Variants in BCAS3 observed in about 807,000 individuals in gnomAD.
BCAS3 encodes BCAS4/BCAS3 fusion.
BCAS3 carries 53 observed loss-of-function variants against 116.1 expected under a neutral mutation model. The ratio of observed to expected loss-of-function variants is 0.46; its 90% CI spans 0.37 to 0.57. The LOEUF is 0.57. Among genes scored for constraint, BCAS3 ranks in the 20% least tolerant of loss-of-function variants. The probability of loss-of-function intolerance (pLI) is 0.00; values close to 1 mark genes in which losing one functional copy is unlikely to be tolerated. For missense variants in BCAS3, 917 were observed against 1,165.4 expected (o/e 0.79, Z 3.10); for synonymous variants, 391 against 408.2 (o/e 0.96, Z 0.51).
chr17:60,879,045 T>C (rs2055875335), intron 9 of BCAS3, among the ~76,000 whole-genome samples: 1 of 152,158 alleles, frequency 6.6e-6, no homozygotes, highest in Admixed American at 6.5e-5. Context: ...TGGTTTTGCC[T>C]GTTAGACTGA....
intron 10 of BCAS3, among the ~76,000 whole-genome samples, chr17:60,900,372 G>A (rs1463882015): frequency 1.3e-5 from 2 of 151,956 alleles, no homozygotes; most frequent in African/African-American, 2.4e-5. Flanking sequence ...CTCTTTCCTG[G>A]CTAAGATTGC....
chr17:61,305,992 G>A (rs1392345542), intron 22 of BCAS3, among the ~76,000 whole-genome samples: 1 of 152,220 alleles, frequency 6.6e-6, no homozygotes, highest in Non-Finnish European at 1.5e-5. Context: ...ATAATCCTGT[G>A]TGCTTCCTTC....
intron 5 of BCAS3, among the ~76,000 whole-genome samples, chr17:60,709,768 T>A (rs2037627340): frequency 6.6e-6 from 1 of 152,226 alleles, no homozygotes; most frequent in Non-Finnish European, 1.5e-5. Context: ...GTAATTTTGA[T>A]ATATGTTTTA....
chr17:61,089,434 A>G (rs1259102403), intron 22 of BCAS3, among the ~76,000 whole-genome samples: 1 of 122,536 alleles, frequency 8.2e-6, no homozygotes, highest in Non-Finnish European at 1.7e-5. Flanking sequence ...GCATTCTTTT[A>G]TCATATAGAG....
chr17:61,109,050 G>T (rs191201076), intron 22 of BCAS3, among the ~76,000 whole-genome samples: 4 of 152,042 alleles, frequency 2.6e-5, no homozygotes, highest in African/African-American at 7.2e-5. Flanking sequence ...GCTGGGCGTG[G>T]TAGTACATGC....
intron 14 of BCAS3, among the ~76,000 whole-genome samples, chr17:60,948,498 C>T (rs1047594177): frequency 3.9e-5 from 6 of 152,274 alleles, no homozygotes; most frequent in Non-Finnish European, 7.4e-5. Flanking sequence ...TCTCAAACAC[C>T]TTTTGTTTCA....
intron 10 of BCAS3, among the ~76,000 whole-genome samples, chr17:60,894,044 C>T (rs1599499612): frequency 6.6e-6 from 1 of 151,954 alleles, no homozygotes; most frequent in Non-Finnish European, 1.5e-5. Context: ...GCTGCCCCAC[C>T]CCATTTTATT....
intron 14 of BCAS3, among the ~76,000 whole-genome samples, chr17:60,975,074 T>C (rs2062234433): frequency 6.6e-6 from 1 of 150,602 alleles, no homozygotes; most frequent in African/African-American, 2.5e-5. Context: ...CAATCTCGGC[T>C]CACTGCAAGC....
At chr17:60,914,078 C>T (rs1672405902) in intron 12 of BCAS3, among the ~76,000 whole-genome samples, 2 of 152,126 alleles carry the variant, frequency 1.3e-5, no homozygotes, top group South Asian at 4.1e-4. Context: ...TTAATAGCTT[C>T]TGAGGTGTTT....
chr17:60,811,159 A>G (rs1198303658), intron 7 of BCAS3: 1 of 642,036 alleles, frequency 1.6e-6, no homozygotes, highest in Non-Finnish European at 2.9e-6. Context: ...GGCCCACTAC[A>G]CCCTGCAGAT....
intron 5 of BCAS3, among the ~76,000 whole-genome samples, chr17:60,712,700 C>G (rs760983131): frequency 4.6e-5 from 7 of 152,140 alleles, no homozygotes; most frequent in Non-Finnish European, 1.0e-4. Context: ...CCCTCTCCCT[C>G]TGAAATAAAT....
At position 61,222,199 on chromosome 17, in the gene BCAS3, A is replaced by G. The variant is rs2082146996; in HGVS notation, c.2425+137635A>G. On this transcript the variant is annotated intron_variant, in intron 22 of 23. Coordinates refer to ENST00000407086, the MANE Select transcript of BCAS3 (RefSeq NM_017679.5). This position sits in a 1 kb window ranked among gnomAD's most constrained non-coding sequence, Gnocchi z 6.1. ...CCAAGATATGAAATAATAGTGGGGA[A>G]CTGTAAAGAAATGATAAAAATAAGG... is the stretch of plus-strand genomic sequence containing the variant. 6.6e-6 allele frequency among the ~76,000 whole-genome samples: 1 copy of G among 152,248 alleles called. No individual in the cohort carries two copies.
At chr17:61,329,835 A>G (rs866394721) in intron 22 of BCAS3, among the ~76,000 whole-genome samples, 2 of 152,088 alleles carry the variant, frequency 1.3e-5, no homozygotes, top group East Asian at 1.9e-4. Context: ...GCACTTATCC[A>G]TGAAGACCGC....
intron 1 of BCAS3, among the ~76,000 whole-genome samples, 182 bp from the exon 2 acceptor site, chr17:60,679,271 A>T (rs926780060): frequency 1.3e-5 from 2 of 152,206 alleles, no homozygotes; most frequent in African/African-American, 4.8e-5. Context: ...TTTGAAAAAA[A>T]TTAAAAACCT....
intron 22 of BCAS3, among the ~76,000 whole-genome samples, chr17:61,284,227 C>T (rs2051512462): frequency 6.6e-6 from 1 of 152,130 alleles, no homozygotes; most frequent in Admixed American, 6.5e-5. Context: ...GGCCACCTCC[C>T]CCACCCACAC....
rs1473712686 is a variant in BCAS3 at position 61,049,725 on chromosome 17, CTTTTCTTTTTTT to C, written c.2029+8838_2029+8849del. Among the ~76,000 whole-genome samples, 10 of 139,468 alleles carry C rather than the reference CTTTTCTTTTTTT, an allele frequency of 7.2e-5. No individual in the cohort carries two copies. In the East Asian group the frequency reaches 2.1e-3, roughly 29 times the overall value. 91.5% of individuals were successfully genotyped at this position (139,468 alleles called of 152,430 possible). On this transcript the variant is annotated intron_variant, in intron 19 of 23. Transcript: ENST00000407086. Reference sequence around the variant, plus strand: ...GCAGATTTTTCTTTTCTTTTCTTTTCTTTTCTTTTTTTTTTTTTTTTTTTGAGACGGAGTTTC... The same window carrying C: ...GCAGATTTTTCTTTTCTTTTCTTTTCTTTTTTTTTTTTGAGACGGAGTTTC...
intron 22 of BCAS3, among the ~76,000 whole-genome samples, chr17:61,155,293 A>G (rs1239763951): frequency 6.6e-6 from 1 of 152,196 alleles, no homozygotes; most frequent in Non-Finnish European, 1.5e-5. Flanking sequence ...TGGGCCAACG[A>G]AAACACTGTA....
At chr17:60,681,034 A>T (rs2033006917) in intron 2 of BCAS3, among the ~76,000 whole-genome samples, 1 of 152,116 alleles carries the variant, frequency 6.6e-6, no homozygotes. Context: ...TGAGACCCTC[A>T]TGCCTTAAAA....
At chr17:60,713,283 A>G (rs1219599259) in intron 5 of BCAS3, among the ~76,000 whole-genome samples, 1 of 152,196 alleles carries the variant, frequency 6.6e-6, no homozygotes, top group Non-Finnish European at 1.5e-5. Flanking sequence ...AAAGATTAGT[A>G]TGTACCTTCA....
Sources: allele counts gnomAD v4.1 joint callset (sites outside exome capture counted in the v4.1 genomes callset), GRCh38; gene constraint gnomAD v4.1.1; non-coding constraint Gnocchi (gnomAD v3.1); transcripts MANE v1.5; gene names NCBI Gene and HGNC (gene_info 2026-07-23, HGNC 2026-07-21).